The following DDC variants were observed in gnomAD, a reference collection of about 807,000 sequenced individuals.
DDC encodes the protein aromatic-L-amino-acid decarboxylase.
A neutral mutation model predicts 60.0 loss-of-function variants in DDC; 43 were observed. The observed-to-expected ratio is 0.72, with a 90% confidence interval of 0.56 to 0.92. DDC has a LOEUF of 0.92. DDC is among the 40% of genes least tolerant of loss of function. The pLI, the probability that DDC is intolerant of heterozygous loss-of-function variation, is 0.00. For missense variants in DDC, 573 were observed against 620.2 expected (o/e 0.92, Z 0.81); for synonymous variants, 232 against 234.6 (o/e 0.99, Z 0.10).
intron 7 of DDC, among the ~76,000 whole-genome samples, chr7:50,501,491 A>G (rs2043256073): frequency 6.6e-6 from 1 of 152,270 alleles, no homozygotes; most frequent in South Asian, 2.1e-4. Context: ...CAAATGCAAT[A>G]AAAAGAAAAT....
In DDC at chr7:50,494,377, G is replaced by A. The variant is rs2043076333; in HGVS notation, c.944+973C>T. The stretch of plus-strand genomic sequence containing the variant: ...AAAAAATTAGCCGGGCGTGGTAGGC[G>A]CCTGTTGTCCCAGCTACTCGGGAGG... On this transcript the variant is annotated intron_variant, in intron 9 of 14. Transcript: ENST00000444124. Among the ~76,000 whole-genome samples the A allele has an allele frequency of 2.6e-5, 4 of 152,056 alleles. 1 individual carries two copies. In the Middle Eastern group the frequency reaches 0.01, roughly 388 times the overall value.
intron 1 of DDC, chr7:50,561,090 G>A (rs2045337373): frequency 6.6e-6 from 1 of 152,218 alleles, no homozygotes; most frequent in Non-Finnish European, 1.5e-5. Flanking sequence ...CAGAAGATGT[G>A]ATTGCCATTT....
chr7:50,524,409 A>G (rs1041669504), intron 6 of DDC, among the ~76,000 whole-genome samples: 2 of 152,208 alleles, frequency 1.3e-5, no homozygotes, highest in Non-Finnish European at 2.9e-5. Flanking sequence ...AAGAAGGTAT[A>G]TGTTCTTCCT....
chr7:50,555,193 C>T (rs968391235), intron 1 of DDC, among the ~76,000 whole-genome samples: 12 of 152,044 alleles, frequency 7.9e-5, no homozygotes, highest in African/African-American at 2.7e-4. Flanking sequence ...CCTCTGCCTT[C>T]GAGCCTCCCA....
In DDC at chr7:50,539,190, G is replaced by A. The variant is rs114843123; in HGVS notation, c.315+725C>T. 664 of 154,134 alleles carry A rather than the reference G, an allele frequency of 4.3e-3. 8 individuals are homozygous for A. The highest frequency in any genetic ancestry group is 0.015 in the African/African-American group (644 of 41,566). The allele number at this position is 154,134 out of a possible 1,614,324, so 9.5% of individuals were successfully genotyped here. ...AAGGTGAGTGCTCTGGACCCCAAAGGCCAAGGACAGCCCCTGGCTTTTGAG... is the reference window on the plus strand; with the variant it reads ...AAGGTGAGTGCTCTGGACCCCAAAGACCAAGGACAGCCCCTGGCTTTTGAG... On this transcript the variant is annotated intron_variant, in intron 3 of 14. Coordinates refer to ENST00000444124, the MANE Select transcript of DDC (RefSeq NM_001082971.2).
At chr7:50,525,190 A>T (rs1267095864) in intron 6 of DDC, among the ~76,000 whole-genome samples, 1 of 152,188 alleles carries the variant, frequency 6.6e-6, no homozygotes, top group Non-Finnish European at 1.5e-5. Flanking sequence ...ATGGTAGGAG[A>T]TCAGGAAGGT....
rs550375857 is a variant in DDC at position 50,528,919 on chromosome 7, T to C, written c.570+289A>G. Among the ~76,000 whole-genome samples the C allele has an allele frequency of 5.3e-5, 8 of 152,270 alleles. No homozygotes were observed. The South Asian group carries it at 1.7e-3, about 32-fold the overall frequency. ...CTTTGATCCCCATATCTAGTTTCTCTGCAATGGTGCTCGGAAGGCCAGATA... is the reference window on the plus strand; with the variant it reads ...CTTTGATCCCCATATCTAGTTTCTCCGCAATGGTGCTCGGAAGGCCAGATA... On this transcript the variant is annotated intron_variant, in intron 5 of 14. Transcript: ENST00000444124.
intron 11 of DDC, among the ~76,000 whole-genome samples, chr7:50,471,120 G>C (rs991981489): frequency 6.6e-6 from 1 of 152,190 alleles, no homozygotes; most frequent in Admixed American, 6.5e-5. Flanking sequence ...GGCCGGATGC[G>C]GTGGCTCACG....
At chr7:50,499,027 A>T (rs1018126415) in intron 8 of DDC, 121 bp downstream of exon 8, 2 of 822,614 alleles carry the variant, frequency 2.4e-6, no homozygotes, top group African/African-American at 3.4e-5. Context: ...AATTGGTTCA[A>T]ACATAATTGG....
rs763202945 is a variant in DDC at position 50,544,077 on chromosome 7, T to G, written c.9A>C (p.Ala3=). The G allele has an allele frequency of 6.2e-7, 1 of 1,614,092 alleles. No homozygotes were observed. The highest frequency in any genetic ancestry group is 8.5e-7 in the Non-Finnish European group (1 of 1,179,968). ...CCTTCCCTCTCCTTCGGAATTCACT[T>G]GCGTTCATGGTGTCTGGGCTCTGTC... MN[A]SEFRRRGKEM... The change falls in exon 2 of 15, where the codon GCA becomes GCC. Residue 3 remains alanine, a synonymous_variant. Coordinates refer to ENST00000444124, the MANE Select transcript of DDC (RefSeq NM_001082971.2).
At chr7:50,530,452 G>T (rs937690464) in intron 4 of DDC, among the ~76,000 whole-genome samples, 1 of 152,078 alleles carries the variant, frequency 6.6e-6, no homozygotes, top group African/African-American at 2.4e-5. Context: ...ATTCTTCTTC[G>T]ATCCACCCAG....
At chr7:50,495,104 A>G (rs1344090551) in intron 9 of DDC, among the ~76,000 whole-genome samples, 1 of 152,236 alleles carries the variant, frequency 6.6e-6, no homozygotes, top group African/African-American at 2.4e-5. Context: ...ATGCTGGATA[A>G]ATCAAATAAA....
intron 1 of DDC, among the ~76,000 whole-genome samples, chr7:50,556,178 T>C (rs979436947): frequency 6.6e-6 from 1 of 152,188 alleles, no homozygotes; most frequent in Non-Finnish European, 1.5e-5. Flanking sequence ...CCTATCTTAG[T>C]CCCTTTGGGC....
At chr7:50,504,613 G>C (rs1332910832) in intron 6 of DDC, among the ~76,000 whole-genome samples, 1 of 151,542 alleles carries the variant, frequency 6.6e-6, no homozygotes, top group African/African-American at 2.4e-5. Context: ...ATATGTGTGT[G>C]TATATATATA....
At chr7:50,552,324 T>C (rs1218189039) in intron 1 of DDC, among the ~76,000 whole-genome samples, 3 of 152,224 alleles carry the variant, frequency 2.0e-5, no homozygotes, top group African/African-American at 4.8e-5. Flanking sequence ...TAGCTTCTGT[T>C]GACATAAACT....
intron 7 of DDC, 49 bp from the exon 8 acceptor site, chr7:50,499,291 G>T: frequency 7.4e-7 from 1 of 1,353,664 alleles, no homozygotes; most frequent in Non-Finnish European, 1.0e-6. Context: ...GCCTCACCAC[G>T]GAGCCTGCCA....
chr7:50,560,590 T>C lies in DDC; in HGVS notation c.-29+4695A>G, dbSNP rs1045120736. On this transcript the variant is annotated intron_variant, in intron 1 of 14. Transcript: ENST00000444124. ...GCATCTGAATGCAAACCTGAGTCTG[T>C]GGGGCTGCATAGCCTCCTTCTTTCC... Among the ~76,000 whole-genome samples the C allele has an allele frequency of 5.9e-5, 9 of 152,142 alleles. No individual in the cohort carries two copies. In the East Asian group the frequency reaches 1.7e-3, roughly 29 times the overall value.
intron 12 of DDC, 128 bp downstream of exon 12, chr7:50,469,945 C>T: frequency 1.5e-6 from 1 of 686,742 alleles, no homozygotes; most frequent in Non-Finnish European, 2.5e-6. Flanking sequence ...TGCCATTGCA[C>T]TCCAGCCTGG....
intron 6 of DDC, among the ~76,000 whole-genome samples, chr7:50,512,455 A>G (rs997864217): frequency 1.3e-5 from 2 of 152,210 alleles, no homozygotes; most frequent in African/African-American, 2.4e-5. Context: ...TGCAACTTCA[A>G]TATAAGGGTT....
Sources: gnomAD v4.1 joint callset for allele counts (sites outside exome capture counted in the v4.1 genomes callset) on GRCh38, gnomAD v4.1.1 for gene constraint, MANE v1.5 for transcripts, NCBI Gene and HGNC (gene_info 2026-07-23, HGNC 2026-07-21) for gene names.